Variants in SH3KBP1 observed in about 807,000 individuals in gnomAD.
SH3KBP1 encodes the protein SH3 domain-containing kinase-binding protein 1.
In SH3KBP1, 8 loss-of-function variants were observed where a neutral mutation model predicts 50.1. The observed-to-expected ratio is 0.16, with a 90% CI of 0.09 to 0.29. The LOEUF (loss-of-function observed/expected upper bound fraction) is 0.29. Among genes scored for constraint, SH3KBP1 ranks in the 10% least tolerant of loss-of-function variants. The pLI is 1.00. For synonymous variants in SH3KBP1, 227 were observed against 218.6 expected (o/e 1.04, Z -0.34); for missense variants, 377 against 535.2 (o/e 0.70, Z 2.92).
chrX:19,864,451 A>C (rs1464115229), intron 1 of SH3KBP1, among the ~76,000 whole-genome samples: 1 of 111,852 alleles, frequency 8.9e-6, no homozygotes, highest in Non-Finnish European at 1.9e-5. Flanking sequence ...GGTGGACCCA[A>C]TGTACCCACA....
At chrX:19,733,572 T>C (rs2064442274) in intron 3 of SH3KBP1, among the ~76,000 whole-genome samples, 2 of 110,601 alleles carry the variant, frequency 1.8e-5, no homozygotes, top group African/African-American at 6.6e-5. Context: ...AATTTTGAAG[T>C]AAAAAATGAA....
chrX:19,607,758 G>A (rs1430056452), intron 9 of SH3KBP1, among the ~76,000 whole-genome samples, 180 bp downstream of exon 9: 1 of 112,091 alleles, frequency 8.9e-6, no homozygotes, highest in Admixed American at 9.4e-5. Flanking sequence ...ACTGTTGCCA[G>A]CTAACAGATG....
chrX:19,667,102 G>A (rs1183549374), intron 6 of SH3KBP1, among the ~76,000 whole-genome samples: 1 of 112,159 alleles, frequency 8.9e-6, no homozygotes, highest in Non-Finnish European at 1.9e-5. Context: ...GTCATAAGAG[G>A]ACAATAAATA....
chrX:19,567,717 A>C (rs1239384339), intron 13 of SH3KBP1, among the ~76,000 whole-genome samples: 3 of 105,645 alleles, frequency 2.8e-5, no homozygotes, highest in Non-Finnish European at 5.8e-5. Flanking sequence ...AAACTGAGTA[A>C]AGGGTACACA....
intron 1 of SH3KBP1, among the ~76,000 whole-genome samples, chrX:19,873,879 TC>T (rs1426445556): frequency 9.7e-6 from 1 of 103,034 alleles, no homozygotes; most frequent in Non-Finnish European, 2.0e-5. Context: ...TGAAACCCTG[TC>T]CCTGCTAAAA....
intron 15 of SH3KBP1, among the ~76,000 whole-genome samples, chrX:19,542,677 G>A (rs1212707774): frequency 8.9e-6 from 1 of 111,884 alleles, no homozygotes; most frequent in Non-Finnish European, 1.9e-5. Flanking sequence ...GGCATCGCAA[G>A]CAGGTGCTGA....
At chrX:19,661,254 C>T (rs972469567) in intron 6 of SH3KBP1, among the ~76,000 whole-genome samples, 1 of 112,469 alleles carries the variant, frequency 8.9e-6, no homozygotes, top group African/African-American at 3.2e-5. Context: ...TGGGAATCTA[C>T]ACAACCACCA....
At chrX:19,811,515 A>C (rs763126878) in intron 2 of SH3KBP1, among the ~76,000 whole-genome samples, 1 of 112,370 alleles carries the variant, frequency 8.9e-6, no homozygotes, top group African/African-American at 3.2e-5. Flanking sequence ...GGTACTCTCC[A>C]AACATGTCCA....
chrX:19,588,198 T>G, intron 12 of SH3KBP1: 1 of 469,546 alleles, frequency 2.1e-6, no homozygotes, highest in Non-Finnish European at 3.2e-6. Flanking sequence ...AGAGGGAGCC[T>G]GGGCTATGGA....
rs551162395 is a variant in SH3KBP1, at chrX:19,596,877, G to A, written c.1006-1877C>T. ...AAATTCTAGTCCTCTTGCTATTTCC[G>A]CCACATCTGCAGTTACTTCCTCCAC... On this transcript the variant is annotated intron_variant, in intron 9 of 17. Coordinates refer to ENST00000397821, the MANE Select transcript of SH3KBP1 (RefSeq NM_031892.3). Among the ~76,000 whole-genome samples, 16 of 111,768 alleles carry A rather than the reference G, an allele frequency of 1.4e-4. No homozygotes were observed. In the South Asian group the frequency reaches 4.9e-3, roughly 34 times the overall value.
chrX:19,735,250 G>C (rs1417256545), intron 3 of SH3KBP1, among the ~76,000 whole-genome samples: 1 of 111,398 alleles, frequency 9.0e-6, no homozygotes, highest in Non-Finnish European at 1.9e-5. Context: ...TCATTTCTAA[G>C]GATCAACTAT....
chrX:19,882,899 TG>T (rs1315610381), intron 1 of SH3KBP1, among the ~76,000 whole-genome samples: 1 of 111,950 alleles, frequency 8.9e-6, no homozygotes, highest in Non-Finnish European at 1.9e-5. Flanking sequence ...ACTGGATTCG[TG>T]GAAGAATCCA....
chrX:19,611,573 C>T (rs2067418244), intron 8 of SH3KBP1, among the ~76,000 whole-genome samples: 2 of 111,218 alleles, frequency 1.8e-5, no homozygotes, highest in East Asian at 5.7e-4. Context: ...AGGCTGGTCT[C>T]GAATTCCTGG....
At chrX:19,659,208 G>A (rs1368587918) in intron 6 of SH3KBP1, among the ~76,000 whole-genome samples, 1 of 104,977 alleles carries the variant, frequency 9.5e-6, no homozygotes, top group Admixed American at 1.0e-4. Context: ...TCTGCCTCTC[G>A]GGTTCAGGTG....
At chrX:19,542,787 A>G (rs1380333018) in intron 15 of SH3KBP1, among the ~76,000 whole-genome samples, 1 of 112,099 alleles carries the variant, frequency 8.9e-6, no homozygotes, top group East Asian at 2.8e-4. Context: ...GCAAAGGTCT[A>G]GAGACCGCAG....
intron 1 of SH3KBP1, among the ~76,000 whole-genome samples, chrX:19,882,711 A>G (rs890976520): frequency 8.9e-6 from 1 of 111,924 alleles, no homozygotes; most frequent in Admixed American, 9.5e-5. Flanking sequence ...AAAATCATGA[A>G]CAAATATTAC....
At chrX:19,698,917 G>A (rs1008632730) in intron 4 of SH3KBP1, among the ~76,000 whole-genome samples, 8 of 111,876 alleles carry the variant, frequency 7.2e-5, no homozygotes, top group African/African-American at 2.0e-4. Flanking sequence ...ATGAATGAAT[G>A]GCAGAGACAT....
chrX:19,823,503 T>C (rs2067589192), intron 2 of SH3KBP1, among the ~76,000 whole-genome samples: 1 of 112,024 alleles, frequency 8.9e-6, no homozygotes, highest in African/African-American at 3.2e-5. Flanking sequence ...ATTTCCTTCT[T>C]ACATGACCCC....
chrX:19,632,259 AG>A, intron 7 of SH3KBP1, among the ~76,000 whole-genome samples: 1 of 112,137 alleles, frequency 8.9e-6, no homozygotes, highest in Admixed American at 9.4e-5. Context: ...TCAGGAAAAC[AG>A]ACATATACCA....
Sources: allele counts gnomAD v4.1 joint callset (sites outside exome capture counted in the v4.1 genomes callset), GRCh38; gene constraint gnomAD v4.1.1; transcripts MANE v1.5; gene names NCBI Gene and HGNC (gene_info 2026-07-23, HGNC 2026-07-21).